PCSK5: variants seen among roughly 807,000 people sequenced by gnomAD.
PCSK5 encodes proprotein convertase subtilisin/kexin type 5, also known as prohormone convertase 5.
In PCSK5, 129 loss-of-function variants were observed where a neutral mutation model predicts 233.2. The observed-to-expected ratio is 0.55, with a 90% CI of 0.48 to 0.64. The LOEUF is 0.64. Among genes scored for constraint, PCSK5 ranks in the 30% least tolerant of loss-of-function variants. PCSK5 has a pLI of 0.00. For synonymous variants in PCSK5, 825 were observed against 879.2 expected (o/e 0.94, Z 1.09); for missense variants, 2,076 against 2,430.1 (o/e 0.85, Z 3.06).
intron 34 of PCSK5, among the ~76,000 whole-genome samples, chr9:76,336,169 G>T (rs1229455165): frequency 6.6e-6 from 1 of 152,182 alleles, no homozygotes; most frequent in Non-Finnish European, 1.5e-5. Flanking sequence ...AAAAGTGAAG[G>T]AAGTCTCAAG....
chr9:76,112,116 A>C (rs1421153388), intron 9 of PCSK5, among the ~76,000 whole-genome samples: 1 of 152,190 alleles, frequency 6.6e-6, no homozygotes, highest in Non-Finnish European at 1.5e-5. Flanking sequence ...AGTTCATCAA[A>C]GAAACCTTTC....
intron 9 of PCSK5, among the ~76,000 whole-genome samples, chr9:76,107,639 G>C (rs1832033418): frequency 6.6e-6 from 1 of 152,190 alleles, no homozygotes. Flanking sequence ...CCTTGTTGAG[G>C]TTTTTATTCT....
intron 7 of PCSK5, among the ~76,000 whole-genome samples, chr9:76,083,082 G>A (rs1442421645): frequency 1.3e-5 from 2 of 151,414 alleles, no homozygotes; most frequent in African/African-American, 4.9e-5. Context: ...GGTGGTGCAC[G>A]CCTATAATCC....
intron 20 of PCSK5, among the ~76,000 whole-genome samples, chr9:76,212,120 T>C (rs1825351700): frequency 6.6e-6 from 1 of 152,204 alleles, no homozygotes; most frequent in African/African-American, 2.4e-5. Flanking sequence ...TTATGCCAAG[T>C]ATCTACGGAT....
chr9:75,921,008 C>T (rs1003874002), intron 1 of PCSK5, among the ~76,000 whole-genome samples: 4 of 151,674 alleles, frequency 2.6e-5, no homozygotes, highest in African/African-American at 9.7e-5. Context: ...ATGAAACATG[C>T]CAGTTAACAT....
At chr9:75,908,816 A>G (rs763426375) in intron 1 of PCSK5, among the ~76,000 whole-genome samples, 31 of 144,606 alleles carry the variant, frequency 2.1e-4, no homozygotes, top group Non-Finnish European at 4.4e-4. Flanking sequence ...CTTACATGCC[A>G]TCTATCTATC....
chr9:76,321,425 C>G lies in PCSK5; in HGVS notation c.3888C>G (p.Gly1296=). 1 of 1,541,962 alleles carries G rather than the reference C, an allele frequency of 6.5e-7. No homozygotes were observed. Among genetic ancestry groups the G allele is most frequent in the Non-Finnish European group, 9.0e-7 (1 of 1,115,536 alleles). The change falls in exon 31 of 38, where the codon GGC becomes GGG. Residue 1296 remains glycine, a synonymous_variant. Coordinates refer to ENST00000674117, the MANE Select transcript of PCSK5 (RefSeq NM_001372043.1). The part of the protein sequence containing the change: ...EGRCYSKCPE[G]SYAEDGICER... ...GCACTCTGTCTTCCTTCCACAGGGGCTCTTATGCAGAAGACGGCATATGTG... is the reference window on the plus strand; with the variant it reads ...GCACTCTGTCTTCCTTCCACAGGGGGTCTTATGCAGAAGACGGCATATGTG...
intron 28 of PCSK5, among the ~76,000 whole-genome samples, chr9:76,304,233 A>AG (rs2131429432): frequency 6.6e-6 from 1 of 152,324 alleles, no homozygotes; most frequent in Non-Finnish European, 1.5e-5. Context: ...CCAACTACCC[A>AG]GCCTGGCAGC....
Position 75,891,103 on chromosome 9 carries a change from A to G in PCSK5, c.-79A>G, listed in dbSNP as rs866021386. 170 of 1,140,466 alleles carry G rather than the reference A, an allele frequency of 1.5e-4. No individual in the cohort carries two copies. Among genetic ancestry groups the G allele is most frequent in the Non-Finnish European group, 1.9e-4 (163 of 870,884 alleles). 70.6% of individuals were successfully genotyped at this position (1,140,466 alleles called of 1,614,324 possible). ...CCCGGGGCTGCTCGCCGGGCGGCGC[A>G]GGCCGGAGAAGTTAGTTGTGCGCGC... On this transcript the variant is annotated 5_prime_UTR_variant, in exon 1 of 38. Coordinates refer to ENST00000674117, the MANE Select transcript of PCSK5 (RefSeq NM_001372043.1).
At chr9:75,949,168 G>A (rs1414150182) in intron 2 of PCSK5, among the ~76,000 whole-genome samples, 1 of 150,996 alleles carries the variant, frequency 6.6e-6, no homozygotes. Flanking sequence ...ATATTGAAGT[G>A]TTTATTTGTT....
chr9:76,074,684 T>C (rs948914204), intron 7 of PCSK5, among the ~76,000 whole-genome samples: 2 of 152,182 alleles, frequency 1.3e-5, no homozygotes, highest in African/African-American at 4.8e-5. Flanking sequence ...TCATCTAAGG[T>C]AGGGCACTAA....
At chr9:75,938,504 A>C (rs1056278252) in intron 2 of PCSK5, among the ~76,000 whole-genome samples, 1 of 152,226 alleles carries the variant, frequency 6.6e-6, no homozygotes, top group East Asian at 1.9e-4. Flanking sequence ...AATTACCAAA[A>C]TGTGACCCAG....
In PCSK5 at chr9:76,040,325, GTCTCTCTCTCTCTCTCTCTCTCTCTC is replaced by G. The variant is rs757550088; in HGVS notation, c.632+13322_632+13347del. Among the ~76,000 whole-genome samples, 19 of 79,050 alleles carry G rather than the reference GTCTCTCTCTCTCTCTCTCTCTCTCTC, an allele frequency of 2.4e-4. 1 individual carries two copies. The highest frequency in any genetic ancestry group is 5.4e-4 in the African/African-American group (13 of 23,892). The allele number at this position is 79,050 out of a possible 152,430, so 51.9% of individuals were successfully genotyped here. ...TCTCACTCCCTTAGATGTGTTCTCTGTCTCTCTCTCTCTCTCTCTCTCTCTCTCTCTCTCTCTCTCTCTCTCTCTCT... is the reference window on the plus strand; with the variant it reads ...TCTCACTCCCTTAGATGTGTTCTCTGTCTCTCTCTCTCTCTCTCTCTCTCT... On this transcript the variant is annotated intron_variant, in intron 5 of 37. Coordinates refer to ENST00000674117, the MANE Select transcript of PCSK5 (RefSeq NM_001372043.1).
chr9:76,192,268 A>T (rs115842563), intron 20 of PCSK5, among the ~76,000 whole-genome samples: 1 of 152,220 alleles, frequency 6.6e-6, no homozygotes, highest in African/African-American at 2.4e-5. Context: ...TTGTGGGCTG[A>T]AGTGGGAAAA....
chr9:75,951,509 C>A (rs1435115255), intron 2 of PCSK5, among the ~76,000 whole-genome samples: 1 of 152,148 alleles, frequency 6.6e-6, no homozygotes, highest in East Asian at 1.9e-4. Flanking sequence ...GTATGATTTA[C>A]AAACTTTGAA....
At chr9:75,947,341 T>C (rs950031814) in intron 2 of PCSK5, among the ~76,000 whole-genome samples, 1 of 152,038 alleles carries the variant, frequency 6.6e-6, no homozygotes, top group Non-Finnish European at 1.5e-5. Context: ...AGAGTCAGGA[T>C]AGAAAATAGA....
intron 7 of PCSK5, among the ~76,000 whole-genome samples, chr9:76,094,806 C>A (rs1050018032): frequency 1.3e-5 from 2 of 152,084 alleles, no homozygotes; most frequent in African/African-American, 4.8e-5. Context: ...GATAGAGTTT[C>A]CCCATGTTGG....
At chr9:76,173,744 G>A (rs527728565) in intron 13 of PCSK5, among the ~76,000 whole-genome samples, 20 of 151,730 alleles carry the variant, frequency 1.3e-4, no homozygotes, top group African/African-American at 3.1e-4. Flanking sequence ...AGGCTAAGGC[G>A]GGTGGATCAC....
At chr9:76,208,101 T>C (rs934474260) in intron 20 of PCSK5, among the ~76,000 whole-genome samples, 5 of 152,156 alleles carry the variant, frequency 3.3e-5, no homozygotes, top group African/African-American at 1.2e-4. Context: ...TTCACAGTAA[T>C]GGCATAGTCC....
Sources: allele counts gnomAD v4.1 joint callset (sites outside exome capture counted in the v4.1 genomes callset), GRCh38; gene constraint gnomAD v4.1.1; transcripts MANE v1.5; gene names NCBI Gene and HGNC (gene_info 2026-07-23, HGNC 2026-07-21).